FAF1: variants seen among roughly 807,000 people sequenced by gnomAD.
FAF1 encodes the protein Fas associated factor 1, also known as FAS-associated factor 1.
FAF1 carries 25 observed loss-of-function variants against 92.5 expected under a neutral mutation model. The observed-to-expected ratio is 0.27, with a 90% confidence interval of 0.20 to 0.38. The LOEUF (loss-of-function observed/expected upper bound fraction) is 0.38, where lower values mean the gene tolerates loss of function less well. FAF1 is among the 10% of genes least tolerant of loss of function. The pLI is 1.00. For synonymous variants in FAF1, 234 were observed against 273.2 expected, an observed-to-expected ratio of 0.86 and a Z score of 1.42; for missense variants, 636 against 793.3, an observed-to-expected ratio of 0.80 and a Z score of 2.38.
At chr1:50,463,939 T>C (rs1029246362) in intron 18 of FAF1, among the ~76,000 whole-genome samples, 1 of 152,196 alleles carries the variant, frequency 6.6e-6, no homozygotes, top group African/African-American at 2.4e-5. Flanking sequence ...GGATTTTGCT[T>C]TGTGGAAAAA....
At chr1:50,519,216 G>A (rs1647358765) in intron 15 of FAF1, among the ~76,000 whole-genome samples, 1 of 151,934 alleles carries the variant, frequency 6.6e-6, no homozygotes, top group South Asian at 2.1e-4. Flanking sequence ...TGAAATCCCA[G>A]CTACTTGGGG....
chr1:50,831,809 A>C (rs1644155866), intron 2 of FAF1, among the ~76,000 whole-genome samples: 2 of 150,906 alleles, frequency 1.3e-5, no homozygotes, highest in Non-Finnish European at 3.0e-5. Flanking sequence ...CAGAGACAAA[A>C]AAAAAAAAAA....
chr1:50,690,197 G>A (rs1656859058), intron 7 of FAF1, among the ~76,000 whole-genome samples: 1 of 151,850 alleles, frequency 6.6e-6, no homozygotes, highest in Non-Finnish European at 1.5e-5. Flanking sequence ...CGTTAGCCAG[G>A]CAGGTCTCGA....
chr1:50,618,977 G>A (rs1374965768), intron 8 of FAF1, among the ~76,000 whole-genome samples: 2 of 151,982 alleles, frequency 1.3e-5, no homozygotes, highest in Non-Finnish European at 2.9e-5. Context: ...GGCTGGTCTC[G>A]AACTCCTGAC....
At chr1:50,635,286 G>T (rs1653959815) in intron 8 of FAF1, among the ~76,000 whole-genome samples, 1 of 152,142 alleles carries the variant, frequency 6.6e-6, no homozygotes, top group Non-Finnish European at 1.5e-5. Flanking sequence ...CTGAATAATT[G>T]TAAACCTTCA....
intron 6 of FAF1, among the ~76,000 whole-genome samples, chr1:50,719,720 A>G (rs1209693084): frequency 2.0e-5 from 3 of 152,216 alleles, no homozygotes; most frequent in South Asian, 2.1e-4. Context: ...ATTTATAGAC[A>G]TATCAATTTT....
chr1:50,638,589 G>A (rs180882307), intron 8 of FAF1, among the ~76,000 whole-genome samples: 167 of 151,688 alleles, frequency 1.1e-3, no homozygotes, highest in Non-Finnish European at 2.2e-3. Context: ...GATTACAGAC[G>A]CCCACCACCA....
At chr1:50,913,556 A>T (rs1037215434) in intron 1 of FAF1, among the ~76,000 whole-genome samples, 1 of 152,202 alleles carries the variant, frequency 6.6e-6, no homozygotes, top group Non-Finnish European at 1.5e-5. Context: ...TTTTACAAAG[A>T]CTTGAATTGT....
At chr1:50,534,336 A>G (rs1357803335) in intron 15 of FAF1, among the ~76,000 whole-genome samples, 2 of 152,154 alleles carry the variant, frequency 1.3e-5, no homozygotes, top group Non-Finnish European at 2.9e-5. Flanking sequence ...GCTGGAGTAC[A>G]GTGGCATGAT....
chr1:50,536,412 G>A (rs76202790), intron 14 of FAF1, among the ~76,000 whole-genome samples: 1,856 of 152,210 alleles, frequency 0.012, 23 homozygotes, highest in African/African-American at 0.042. Flanking sequence ...GCTTGAGAAG[G>A]GATCTTCTTC....
chr1:50,598,096 C>T (rs1160439733), intron 8 of FAF1, among the ~76,000 whole-genome samples: 1 of 152,066 alleles, frequency 6.6e-6, no homozygotes, highest in Non-Finnish European at 1.5e-5. Flanking sequence ...GAGTTCAAGA[C>T]CAGCTTGGGC....
chr1:50,705,877 G>A lies in FAF1; in HGVS notation c.566C>T (p.Ser189Leu). The change falls in exon 7 of 19, where the codon TCA becomes TTA. Residue 189 changes from serine to leucine, a missense_variant. Physicochemically the swap from Ser to Leu is moderately radical, Grantham distance 145. Around this residue, in one of 2 missense-constraint regions of FAF1, gnomAD observed 317 missense variants for 342.4 expected, o/e 0.93. Coordinates refer to ENST00000396153, the MANE Select transcript of FAF1 (RefSeq NM_007051.3). ...GATCAGCATGAAGTTTTGATTTAATGACTCCTGCAGGGCACTGAAAGGGTT... is the reference window on the plus strand; with the variant it reads ...GATCAGCATGAAGTTTTGATTTAATAACTCCTGCAGGGCACTGAAAGGGTT... ...SSSHAGALQESLNQNFMLIIT... is the reference protein window; with the variant it reads ...SSSHAGALQELLNQNFMLIIT... 2 of 1,607,862 alleles carry A rather than the reference G, an allele frequency of 1.2e-6. No individual in the cohort carries two copies.
chr1:50,803,711 G>A (rs965503647), intron 2 of FAF1, among the ~76,000 whole-genome samples: 1 of 152,056 alleles, frequency 6.6e-6, no homozygotes, highest in African/African-American at 2.4e-5. Flanking sequence ...AGATGGGGAG[G>A]GGATTCTATA....
chr1:50,607,487 T>C (rs1313444204), intron 8 of FAF1, among the ~76,000 whole-genome samples: 1 of 152,022 alleles, frequency 6.6e-6, no homozygotes, highest in East Asian at 1.9e-4. Flanking sequence ...CCCACTATTT[T>C]TGTATACAGG....
chr1:50,462,219 T>C (rs1646441830), intron 18 of FAF1: 1 of 152,028 alleles, frequency 6.6e-6, no homozygotes, highest in African/African-American at 2.4e-5. Context: ...CATAATTATA[T>C]GCTGAGTCCT....
intron 1 of FAF1, among the ~76,000 whole-genome samples, chr1:50,886,041 T>C (rs1254765601): frequency 6.6e-6 from 1 of 152,208 alleles, no homozygotes; most frequent in Non-Finnish European, 1.5e-5. Flanking sequence ...CTGTACTGTC[T>C]ATGTTTTGAA....
At chr1:50,670,763 C>T (rs1430143629) in intron 7 of FAF1, among the ~76,000 whole-genome samples, 1 of 151,950 alleles carries the variant, frequency 6.6e-6, no homozygotes, top group Non-Finnish European at 1.5e-5. Context: ...AAAACCCCGT[C>T]TCTATAAAAT....
chr1:50,687,601 T>A (rs182011019), intron 7 of FAF1, among the ~76,000 whole-genome samples: 1 of 151,340 alleles, frequency 6.6e-6, no homozygotes, highest in Non-Finnish European at 1.5e-5. Flanking sequence ...AATACAAAAA[T>A]TAGCCAGGCA....
chr1:50,712,569 T>C (rs1569816400), intron 6 of FAF1, among the ~76,000 whole-genome samples: 1 of 152,162 alleles, frequency 6.6e-6, no homozygotes, highest in East Asian at 1.9e-4. Context: ...GGTATGAGAA[T>C]TGCTTGAATC....
Sources: gnomAD v4.1 joint callset for allele counts (sites outside exome capture counted in the v4.1 genomes callset) on GRCh38, gnomAD v4.1.1 for gene constraint, gnomAD v4.1.1 regional missense constraint, MANE v1.5 for transcripts, NCBI Gene and HGNC (gene_info 2026-07-23, HGNC 2026-07-21) for gene names.